Variants in DCC observed in about 807,000 individuals in gnomAD.
DCC encodes the protein DCC netrin 1 receptor, also known as netrin receptor DCC.
A neutral mutation model predicts 172.5 loss-of-function variants in DCC; 58 were observed. That is an observed-to-expected ratio of 0.34 (90% CI 0.27 to 0.42). The LOEUF is 0.42. Among genes scored for constraint, DCC ranks in the 10% least tolerant of loss-of-function variants. DCC has a pLI of 1.00. For missense variants in DCC, 1,740 were observed against 1,791.0 expected (o/e 0.97, Z 0.51); for synonymous variants, 709 against 644.5 (o/e 1.10, Z -1.52).
At chr18:52,954,206 T>C (rs563105578) in intron 5 of DCC, among the ~76,000 whole-genome samples, 1 of 152,230 alleles carries the variant, frequency 6.6e-6, no homozygotes, top group African/African-American at 2.4e-5. Context: ...ACAACCCAAA[T>C]ACCATGAGAA....
At chr18:52,673,859 G>C (rs144316320) in intron 1 of DCC, among the ~76,000 whole-genome samples, 1 of 152,206 alleles carries the variant, frequency 6.6e-6, no homozygotes, top group African/African-American at 2.4e-5. Context: ...AATATTCATA[G>C]TTGGTAGTGC....
intron 22 of DCC, among the ~76,000 whole-genome samples, chr18:53,439,511 A>G (rs969153309): frequency 1.5e-4 from 23 of 152,232 alleles, no homozygotes; most frequent in African/African-American, 5.5e-4. Context: ...TTGTAATAGA[A>G]TAATGGCTTA....
At chr18:53,351,725 GT>G (rs1392699112) in intron 15 of DCC, among the ~76,000 whole-genome samples, 1 of 151,248 alleles carries the variant, frequency 6.6e-6, no homozygotes, top group Non-Finnish European at 1.5e-5. Flanking sequence ...CATCATCTCT[GT>G]TTTTCAAGAA....
chr18:52,896,952 G>A (rs2039740145), intron 2 of DCC, among the ~76,000 whole-genome samples: 1 of 152,062 alleles, frequency 6.6e-6, no homozygotes, highest in South Asian at 2.1e-4. Context: ...TTATACAATG[G>A]GGCAAAGTAT....
At chr18:52,373,437 A>C (rs1985209635) in intron 1 of DCC, among the ~76,000 whole-genome samples, 1 of 152,216 alleles carries the variant, frequency 6.6e-6, no homozygotes, top group African/African-American at 2.4e-5. Context: ...GCTGGAAACT[A>C]TAGATGTGAC....
At chr18:53,488,393 G>T (rs1410385989) in intron 26 of DCC, among the ~76,000 whole-genome samples, 2 of 152,034 alleles carry the variant, frequency 1.3e-5, no homozygotes, top group Non-Finnish European at 2.9e-5. Context: ...TAAAAAAAAA[G>T]AATGTGTAGA....
intron 8 of DCC, among the ~76,000 whole-genome samples, chr18:53,169,963 C>A (rs115143594): frequency 0.021 from 3,218 of 152,198 alleles, 126 homozygotes; most frequent in African/African-American, 0.074. Flanking sequence ...ACTGCCCTTC[C>A]AAACTCAGAT....
At position 53,076,003 on chromosome 18, in the gene DCC, A is replaced by C. The variant is rs537243427; in HGVS notation, c.1261+9837A>C. ...GGTCATATATGCTGTACTAGCCAATACATGATCAAAATTGGGGAAGGGAGT... is the reference window on the plus strand; with the variant it reads ...GGTCATATATGCTGTACTAGCCAATCCATGATCAAAATTGGGGAAGGGAGT... On this transcript the variant is annotated intron_variant, in intron 7 of 28. Transcript: ENST00000442544. 8.5e-5 allele frequency among the ~76,000 whole-genome samples: 13 copies of C among 152,294 alleles called. No homozygotes were observed. In the South Asian group the frequency reaches 2.5e-3, roughly 29 times the overall value.
At chr18:53,513,136 AAG>A (rs1417994853) in intron 27 of DCC, among the ~76,000 whole-genome samples, 11 of 152,212 alleles carry the variant, frequency 7.2e-5, no homozygotes, top group Admixed American at 7.2e-4. Context: ...TACAAGCCAA[AAG>A]AGAGTGGGGG....
chr18:52,634,695 T>A (rs56318885), intron 1 of DCC, among the ~76,000 whole-genome samples: 44,243 of 152,054 alleles, frequency 0.29, 7,214 homozygotes, highest in East Asian at 0.48. Flanking sequence ...AACTTAGTGG[T>A]AGAGACCCAT....
chr18:52,790,559 A>G (rs946577583), intron 2 of DCC, among the ~76,000 whole-genome samples: 42 of 152,270 alleles, frequency 2.8e-4, no homozygotes, highest in African/African-American at 9.9e-4. Context: ...AACATTTCCC[A>G]GGTTGGAAGA....
intron 16 of DCC, among the ~76,000 whole-genome samples, chr18:53,389,619 G>GA (rs1333594885): frequency 6.6e-6 from 1 of 152,106 alleles, no homozygotes; most frequent in Non-Finnish European, 1.5e-5. Flanking sequence ...AGCCACACCT[G>GA]AAAAAATATT....
At chr18:52,899,970 G>A (rs573617906) in intron 2 of DCC, among the ~76,000 whole-genome samples, 2 of 152,296 alleles carry the variant, frequency 1.3e-5, no homozygotes, top group Admixed American at 1.3e-4. Context: ...AGTGCTTACA[G>A]TATAGAATAA....
At position 53,477,079 on chromosome 18, in the gene DCC, G is replaced by T. The variant is rs537993079; in HGVS notation, c.3736+9069G>T. Among the ~76,000 whole-genome samples the T allele has an allele frequency of 4.7e-4, 72 of 152,284 alleles. 1 individual carries two copies. Among genetic ancestry groups the T allele is most frequent in the South Asian group, 2.7e-3 (13 of 4,824 alleles). On this transcript the variant is annotated intron_variant, in intron 25 of 28. Coordinates refer to ENST00000442544, the MANE Select transcript of DCC (RefSeq NM_005215.4). The stretch of plus-strand genomic sequence containing the variant: ...GCTGCAGTGCAGTGGTATGATCCCT[G>T]TTCACTGTAACCTCCACCTCACGGG...
intron 2 of DCC, among the ~76,000 whole-genome samples, chr18:52,902,915 T>A (rs956765780): frequency 6.6e-6 from 1 of 152,220 alleles, no homozygotes; most frequent in Non-Finnish European, 1.5e-5. Flanking sequence ...ATTGCATTGT[T>A]AACTTTTAAA....
chr18:52,881,521 T>C (rs1443947490), intron 2 of DCC, among the ~76,000 whole-genome samples: 2 of 152,224 alleles, frequency 1.3e-5, no homozygotes, highest in Admixed American at 6.5e-5. Context: ...TTGATTTTTG[T>C]ATATGGCAAG....
At chr18:52,566,864 G>A (rs1212548144) in intron 1 of DCC, among the ~76,000 whole-genome samples, 2 of 152,140 alleles carry the variant, frequency 1.3e-5, no homozygotes, top group African/African-American at 2.4e-5. Flanking sequence ...ACCTAGCTTG[G>A]ATACATTTGA....
At chr18:52,867,283 G>A (rs11665656) in intron 2 of DCC, among the ~76,000 whole-genome samples, 46,141 of 152,016 alleles carry the variant, frequency 0.3, 8,247 homozygotes, top group Non-Finnish European at 0.42. Context: ...TGGTTTGCCA[G>A]TATTTTATTG....
intron 5 of DCC, among the ~76,000 whole-genome samples, chr18:53,046,865 G>A (rs1352543222): frequency 6.6e-6 from 1 of 151,808 alleles, no homozygotes; most frequent in African/African-American, 2.4e-5. Flanking sequence ...TTACTCTAAA[G>A]AGTCCGTGAC....
Sources: allele counts gnomAD v4.1 joint callset (sites outside exome capture counted in the v4.1 genomes callset), GRCh38; gene constraint gnomAD v4.1.1; transcripts MANE v1.5; gene names NCBI Gene and HGNC (gene_info 2026-07-23, HGNC 2026-07-21).